ZC3H11A: variants seen among roughly 807,000 people sequenced by gnomAD.
ZC3H11A encodes zinc finger CCCH domain-containing protein 11A.
Under a neutral mutation model 90.8 loss-of-function variants are expected in ZC3H11A, and 22 were observed. The ratio of observed to expected loss-of-function variants is 0.24; its 90% CI spans 0.17 to 0.35. The LOEUF (loss-of-function observed/expected upper bound fraction) is 0.35. Ranked by LOEUF, ZC3H11A falls within the 10% of genes least tolerant of loss-of-function variation. The pLI, the probability that ZC3H11A is intolerant of heterozygous loss-of-function variation, is 1.00. For synonymous variants in ZC3H11A, 294 were observed against 339.8 expected, an observed-to-expected ratio of 0.87 and a Z score of 1.48; for missense variants, 701 against 964.9, an observed-to-expected ratio of 0.73 and a Z score of 3.62.
chr1:203,807,131 T>A (rs1672668684), intron 2 of ZC3H11A, among the ~76,000 whole-genome samples: 1 of 152,030 alleles, frequency 6.6e-6, no homozygotes, highest in Non-Finnish European at 1.5e-5. Context: ...TCAGTAATCC[T>A]CCCAAAGCTC....
chr1:203,800,520 C>T (rs1380478425), intron 1 of ZC3H11A: 2 of 1,401,516 alleles, frequency 1.4e-6, no homozygotes, highest in African/African-American at 1.5e-5. Context: ...ATCTTAATAG[C>T]TGTAGTTGTT....
Position 203,847,406 on chromosome 1 carries a change from G to C in ZC3H11A, c.1265G>C (p.Arg422Thr). 1 of 1,613,878 alleles carries C rather than the reference G, an allele frequency of 6.2e-7. No homozygotes were observed. The highest frequency in any genetic ancestry group is 8.5e-7 in the Non-Finnish European group (1 of 1,179,856). ...EKKHRQQEAE[R>T]QKSKKDTTCI... ...AAACATCGGCAGCAGGAAGCAGAGA[G>C]ACAAAAAAGCAAAAAGGATACAACT... The change falls in exon 13 of 18, where the codon AGA becomes ACA. Residue 422 changes from arginine (R) to threonine (T), a missense_variant. This residue lies in a region of ZC3H11A where 530 missense variants were observed against 696.2 expected (regional missense o/e 0.76). Transcript: ENST00000367210.
chr1:203,808,482 A>G (rs769290560), intron 2 of ZC3H11A, among the ~76,000 whole-genome samples: 4 of 152,230 alleles, frequency 2.6e-5, no homozygotes, highest in Admixed American at 1.3e-4. Context: ...TAAAGACTCA[A>G]GTCCATCAAA....
At chr1:203,846,507 CATT>C (rs1487946065) in intron 12 of ZC3H11A, among the ~76,000 whole-genome samples, 1 of 152,148 alleles carries the variant, frequency 6.6e-6, no homozygotes, top group Non-Finnish European at 1.5e-5. Context: ...CCTTTTATAG[CATT>C]ATACCTACCT....
chr1:203,831,513 T>C (rs976328130), intron 8 of ZC3H11A, 148 bp from the exon 9 acceptor site: 1 of 636,886 alleles, frequency 1.6e-6, no homozygotes, highest in Non-Finnish European at 2.8e-6. Context: ...CATTTGACTG[T>C]AGGCAAACAG....
intron 2 of ZC3H11A, among the ~76,000 whole-genome samples, chr1:203,804,978 C>T (rs1376173165): frequency 2.0e-5 from 3 of 151,726 alleles, no homozygotes; most frequent in East Asian, 1.9e-4. Context: ...CGGCCTGTCT[C>T]GTCTTTTTAA....
At chr1:203,832,243 TAG>T (rs1353856071) in intron 9 of ZC3H11A, among the ~76,000 whole-genome samples, 7 of 152,072 alleles carry the variant, frequency 4.6e-5, no homozygotes, top group Non-Finnish European at 1.0e-4. Context: ...GTATTTTTAG[TAG>T]AGACGGGGTT....
At position 203,833,188 on chromosome 1, in the gene ZC3H11A, T is replaced by A. The variant is rs186594502; in HGVS notation, c.812-603T>A. Among the ~76,000 whole-genome samples the A allele has an allele frequency of 3.3e-3, 499 of 152,152 alleles. 3 individuals carry two copies. The highest frequency in any genetic ancestry group is 4.9e-3 in the Non-Finnish European group (333 of 68,000). On this transcript the variant is annotated intron_variant, in intron 9 of 17. Coordinates refer to ENST00000367210, the MANE Select transcript of ZC3H11A (RefSeq NM_001376342.1). ...TTCGAGACCAGCCCGACCAACGCGGTGAAACCTTGTCTCTACTAAAAATAC... is the reference window on the plus strand; with the variant it reads ...TTCGAGACCAGCCCGACCAACGCGGAGAAACCTTGTCTCTACTAAAAATAC...
intron 10 of ZC3H11A, among the ~76,000 whole-genome samples, chr1:203,837,107 C>G (rs1388257638): frequency 6.6e-6 from 1 of 151,888 alleles, no homozygotes; most frequent in Non-Finnish European, 1.5e-5. Flanking sequence ...CCAGCCTGGG[C>G]AACATGGCAA....
chr1:203,835,887 C>T, intron 10 of ZC3H11A: 2 of 244,250 alleles, frequency 8.2e-6, no homozygotes, highest in Non-Finnish European at 8.9e-6. Flanking sequence ...AGCAAAAATG[C>T]CCTTGGACCA....
intron 12 of ZC3H11A, among the ~76,000 whole-genome samples, chr1:203,844,983 A>T (rs76757055): frequency 0.018 from 2,678 of 151,996 alleles, 74 homozygotes; most frequent in African/African-American, 0.057. Context: ...GACTGGCCCA[A>T]CTGTTCTATA....
rs1159515314 is a variant in ZC3H11A at position 203,808,239 on chromosome 1, C to G, written c.-146+5223C>G. ...AAATTCTAAACTTAAAGGTCATAATCTCCTTTACATTCTGGATGAATAGCA... is the reference window on the plus strand; with the variant it reads ...AAATTCTAAACTTAAAGGTCATAATGTCCTTTACATTCTGGATGAATAGCA... On this transcript the variant is annotated intron_variant, in intron 2 of 17. Transcript: ENST00000367210. Among the ~76,000 whole-genome samples the G allele has an allele frequency of 6.7e-5, 10 of 148,306 alleles. No homozygotes were observed. In the Admixed American group the frequency reaches 7.1e-4, roughly 11 times the overall value.
At chr1:203,838,309 T>A (rs916412232) in intron 11 of ZC3H11A, among the ~76,000 whole-genome samples, 16 of 152,166 alleles carry the variant, frequency 1.1e-4, no homozygotes, top group Non-Finnish European at 1.6e-4. Context: ...TACTTATAAA[T>A]GCGATAAATT....
Position 203,829,158 on chromosome 1 carries a change from G to A in ZC3H11A, c.299-293G>A, listed in dbSNP as rs554812354. On this transcript the variant is annotated intron_variant, in intron 5 of 17. Coordinates refer to ENST00000367210, the MANE Select transcript of ZC3H11A (RefSeq NM_001376342.1). ...GCTGAGCAAAAAGCCTAGAATTGCAGTATTAAAATTAAAGGTCTAGAATTT... is the reference window on the plus strand; with the variant it reads ...GCTGAGCAAAAAGCCTAGAATTGCAATATTAAAATTAAAGGTCTAGAATTT... The A allele has an allele frequency of 3.7e-4, 147 of 397,500 alleles. 1 individual carries two copies. The highest frequency in any genetic ancestry group is 5.8e-4 in the Non-Finnish European group (127 of 220,736). 24.6% of individuals were successfully genotyped at this position (397,500 alleles called of 1,614,324 possible).
chr1:203,840,895 A>G (rs1321562185), intron 12 of ZC3H11A, among the ~76,000 whole-genome samples: 5 of 152,132 alleles, frequency 3.3e-5, no homozygotes, highest in Non-Finnish European at 5.9e-5. Context: ...CAGCCTCCCA[A>G]AATCCTGGGA....
At chr1:203,797,593 A>T (rs1428394754) in intron 1 of ZC3H11A, 1 of 1,533,646 alleles carries the variant, frequency 6.5e-7, no homozygotes, top group East Asian at 2.4e-5. Context: ...ACTTTTAGTG[A>T]TTCTGGGATT....
At chr1:203,798,377 T>C (rs1571862896) in intron 1 of ZC3H11A, 2 of 1,534,442 alleles carry the variant, frequency 1.3e-6, no homozygotes, top group East Asian at 4.9e-5. Flanking sequence ...GAGCTGTGTG[T>C]AATATATGTA....
chr1:203,840,605 A>ATTATTTAT (rs534962124), intron 12 of ZC3H11A, among the ~76,000 whole-genome samples: 8,547 of 147,642 alleles, frequency 0.058, 323 homozygotes, highest in Non-Finnish European at 0.07. Flanking sequence ...ATAGTAGGAA[A>ATTATTTAT]TTATTTATTT....
chr1:203,821,906 C>G (rs543701699), intron 4 of ZC3H11A, among the ~76,000 whole-genome samples: 1 of 151,858 alleles, frequency 6.6e-6, no homozygotes, highest in Non-Finnish European at 1.5e-5. Context: ...TACAGGTGCC[C>G]GCCACCACGC....
Sources: allele counts gnomAD v4.1 joint callset (sites outside exome capture counted in the v4.1 genomes callset), GRCh38; gene constraint gnomAD v4.1.1; regional missense constraint gnomAD v4.1.1; transcripts MANE v1.5; gene names NCBI Gene and HGNC (gene_info 2026-07-23, HGNC 2026-07-21).